Variants in APP observed in about 807,000 individuals in gnomAD.
APP encodes the protein amyloid-beta precursor protein.
Under a neutral mutation model 101.4 loss-of-function variants are expected in APP, and 31 were observed. The ratio of observed to expected loss-of-function variants is 0.31; its 90% CI spans 0.23 to 0.41. APP has a LOEUF of 0.41. Among genes scored for constraint, APP ranks in the 10% least tolerant of loss-of-function variants. The pLI is 1.00. For synonymous variants in APP, 366 were observed against 364.4 expected, an observed-to-expected ratio of 1.00 and a Z score of -0.05; for missense variants, 839 against 1,003.7, an observed-to-expected ratio of 0.84 and a Z score of 2.22.
intron 1 of APP, among the ~76,000 whole-genome samples, chr21:26,146,434 C>G (rs45567431): frequency 2.0e-5 from 3 of 152,090 alleles, no homozygotes; most frequent in Non-Finnish European, 4.4e-5. Flanking sequence ...ATTTCCCTGA[C>G]GACTATGAGA....
intron 1 of APP, chr21:26,140,525 G>A (rs934612555): frequency 7.7e-6 from 3 of 388,388 alleles, no homozygotes; most frequent in East Asian, 6.3e-5. Context: ...AAGTGTCAGG[G>A]GCTGTGGAGA....
At chr21:26,095,281 C>A (rs1240509370) in intron 2 of APP, among the ~76,000 whole-genome samples, 4 of 152,228 alleles carry the variant, frequency 2.6e-5, no homozygotes, top group Non-Finnish European at 5.9e-5. Flanking sequence ...GCCCAGCCAA[C>A]AATAAGTTTT....
intron 1 of APP, among the ~76,000 whole-genome samples, chr21:26,131,402 C>A (rs1246173768): frequency 6.6e-6 from 1 of 152,110 alleles, no homozygotes; most frequent in Non-Finnish European, 1.5e-5. Flanking sequence ...ATTCTATAAA[C>A]GTTTTTCCTT....
At chr21:25,998,225 G>A (rs868361058) in intron 7 of APP, among the ~76,000 whole-genome samples, 3 of 152,192 alleles carry the variant, frequency 2.0e-5, no homozygotes, top group South Asian at 4.2e-4. Flanking sequence ...CTCTCCCACC[G>A]GCTAAACCAG....
chr21:25,961,494 C>T (rs1435311307), intron 11 of APP, among the ~76,000 whole-genome samples: 1 of 152,100 alleles, frequency 6.6e-6, no homozygotes. Context: ...AAAAAAAGAC[C>T]TCCCTCCTTT....
intron 2 of APP, among the ~76,000 whole-genome samples, chr21:26,100,916 GA>G (rs1568974782): frequency 1.3e-5 from 2 of 152,106 alleles, no homozygotes; most frequent in African/African-American, 4.8e-5. Context: ...GCCTGCATTT[GA>G]GGCTTAACCT....
At chr21:26,061,082 T>A (rs987733005) in intron 3 of APP, among the ~76,000 whole-genome samples, 2 of 152,126 alleles carry the variant, frequency 1.3e-5, no homozygotes, top group South Asian at 2.1e-4. Flanking sequence ...AGGTGGGAGA[T>A]GACAATGACT....
intron 1 of APP, among the ~76,000 whole-genome samples, chr21:26,127,376 G>A (rs1432096656): frequency 6.6e-6 from 1 of 152,026 alleles, no homozygotes; most frequent in East Asian, 1.9e-4. Flanking sequence ...ACGGAGAAAA[G>A]GCTTAAAAAC....
At chr21:26,157,320 T>C (rs992596802) in intron 1 of APP, among the ~76,000 whole-genome samples, 1 of 152,142 alleles carries the variant, frequency 6.6e-6, no homozygotes, top group African/African-American at 2.4e-5. Context: ...TCCACCCACC[T>C]CAGTCTCCCG....
intron 13 of APP, among the ~76,000 whole-genome samples, chr21:25,932,855 T>G (rs2040206340): frequency 1.3e-5 from 2 of 152,184 alleles, no homozygotes; most frequent in African/African-American, 4.8e-5. Flanking sequence ...AACTACCTTT[T>G]CTAAACATAC....
intron 3 of APP, among the ~76,000 whole-genome samples, chr21:26,074,308 T>C (rs1601394828): frequency 6.6e-6 from 1 of 152,334 alleles, no homozygotes; most frequent in Admixed American, 6.5e-5. Flanking sequence ...GCCACATTCA[T>C]GTAATCACTT....
At chr21:25,991,937 A>C (rs910234204) in intron 8 of APP, among the ~76,000 whole-genome samples, 34 of 152,256 alleles carry the variant, frequency 2.2e-4, no homozygotes, top group African/African-American at 8.2e-4. Flanking sequence ...CTTTTACCAC[A>C]GGTAGAACAT....
At chr21:26,010,908 T>C (rs562638376) in intron 6 of APP, among the ~76,000 whole-genome samples, 1 of 146,276 alleles carries the variant, frequency 6.8e-6, no homozygotes, top group Non-Finnish European at 1.5e-5. Context: ...ACACCTGTAA[T>C]CCCAGGTACT....
At chr21:26,001,208 C>T (rs1218766170) in intron 6 of APP, among the ~76,000 whole-genome samples, 1 of 152,170 alleles carries the variant, frequency 6.6e-6, no homozygotes, top group African/African-American at 2.4e-5. Context: ...GTCTTGCCAC[C>T]CTCCCCAAGA....
chr21:26,139,687 G>A (rs1320186257), intron 1 of APP, among the ~76,000 whole-genome samples: 1 of 152,188 alleles, frequency 6.6e-6, no homozygotes, highest in East Asian at 1.9e-4. Flanking sequence ...GAGGTCAAGA[G>A]ATCAAGACCA....
At chr21:26,010,213 CAA>C (rs74265002) in intron 6 of APP, among the ~76,000 whole-genome samples, 9 of 80,180 alleles carry the variant, frequency 1.1e-4, no homozygotes, top group Admixed American at 1.3e-4. Context: ...TCCTTTTGAA[CAA>C]AAAAAAAAAA....
chr21:26,072,799 T>C (rs1182240237), intron 3 of APP, among the ~76,000 whole-genome samples: 2 of 152,164 alleles, frequency 1.3e-5, no homozygotes, highest in African/African-American at 4.8e-5. Context: ...CTAGGAGAAT[T>C]TAATAAAAGC....
intron 2 of APP, among the ~76,000 whole-genome samples, chr21:26,095,053 C>G (rs1181745572): frequency 6.6e-6 from 1 of 152,194 alleles, no homozygotes; most frequent in Admixed American, 6.5e-5. Context: ...ACCATGTTGG[C>G]CAGGATGCTC....
intron 11 of APP, among the ~76,000 whole-genome samples, chr21:25,974,457 C>A (rs550060789): frequency 6.6e-6 from 1 of 152,246 alleles, no homozygotes; most frequent in African/African-American, 2.4e-5. Flanking sequence ...GACATTAGTA[C>A]CCTTATAAAA....
Sources: allele counts gnomAD v4.1 joint callset (sites outside exome capture counted in the v4.1 genomes callset), GRCh38; gene constraint gnomAD v4.1.1; transcripts MANE v1.5; gene names NCBI Gene and HGNC (gene_info 2026-07-23, HGNC 2026-07-21).